The following ATXN7 variants were observed in gnomAD, a reference collection of about 807,000 sequenced individuals.
ATXN7 encodes ataxin 7.
A neutral mutation model predicts 70.5 loss-of-function variants in ATXN7; 12 were observed. The ratio of observed to expected loss-of-function variants is 0.17; its 90% CI spans 0.11 to 0.28. ATXN7 has a LOEUF of 0.28. ATXN7 is among the 10% of genes least tolerant of loss of function. ATXN7 has a pLI of 1.00. For synonymous variants in ATXN7, 498 were observed against 448.7 expected (o/e 1.11, Z -1.39); for missense variants, 1,256 against 1,131.7 (o/e 1.11, Z -1.58).
chr3:63,990,045 GT>G (rs1210947382), intron 9 of ATXN7, 130 bp from the exon 10 acceptor site: 40 of 782,572 alleles, frequency 5.1e-5, no homozygotes, highest in South Asian at 4.8e-4. Context: ...ATCAGCATCT[GT>G]TTTCCCCCAG....
chr3:63,974,332 T>G (rs1464447130), intron 5 of ATXN7, among the ~76,000 whole-genome samples: 1 of 152,252 alleles, frequency 6.6e-6, no homozygotes, highest in Non-Finnish European at 1.5e-5. Flanking sequence ...CTATGCAGAC[T>G]TGTACACTAA....
chr3:63,914,682 G>A (rs1206848994), intron 4 of ATXN7, among the ~76,000 whole-genome samples: 3 of 152,140 alleles, frequency 2.0e-5, no homozygotes, highest in East Asian at 1.9e-4. Context: ...CTAAATCTGT[G>A]TGAAAACAAG....
At position 63,952,457 on chromosome 3, in the gene ATXN7, A is replaced by T; in HGVS notation, c.473A>T (p.Lys158Ile). Residue 158 changes from lysine to isoleucine, a missense_variant, in exon 5 of 13, where the codon AAA becomes ATA. Lys to Ile is a moderately radical substitution (Grantham distance 102). Coordinates refer to ENST00000674280, the MANE Select transcript of ATXN7 (RefSeq NM_001377405.1). ...TGTAACGACTGTAATCAGGTTGTCA[A>T]ACCGCAGGCATTTCAATCACATTAT... The part of the protein sequence containing the change: ...VVCNDCNQVV[K>I]PQAFQSHYER... 6.2e-7 allele frequency: 1 copy of T among 1,611,790 alleles called. No homozygotes were observed. Among genetic ancestry groups the T allele is most frequent in the Non-Finnish European group, 8.5e-7 (1 of 1,179,174 alleles).
At chr3:63,930,897 G>A (rs1432647301) in intron 4 of ATXN7, among the ~76,000 whole-genome samples, 1 of 152,066 alleles carries the variant, frequency 6.6e-6, no homozygotes, top group African/African-American at 2.4e-5. Flanking sequence ...CCAAGTTTTA[G>A]GACACTAGAC....
intron 4 of ATXN7, among the ~76,000 whole-genome samples, chr3:63,932,601 TTG>T (rs1181097573): frequency 1.3e-5 from 2 of 152,206 alleles, no homozygotes; most frequent in Admixed American, 1.3e-4. Flanking sequence ...GTGGACAGTG[TTG>T]TATTTGCCTA....
intron 5 of ATXN7, among the ~76,000 whole-genome samples, 157 bp from the exon 6 acceptor site, chr3:63,979,758 C>T (rs1367642693): frequency 6.6e-6 from 1 of 152,148 alleles, no homozygotes; most frequent in Non-Finnish European, 1.5e-5. Flanking sequence ...TCTGTGGGGC[C>T]TAGATGAGCC....
intron 5 of ATXN7, among the ~76,000 whole-genome samples, chr3:63,973,598 C>T (rs1034922973): frequency 6.6e-6 from 1 of 152,140 alleles, no homozygotes; most frequent in Non-Finnish European, 1.5e-5. Context: ...CCCTCGGCCA[C>T]GCTGGGTGTG....
intron 4 of ATXN7, among the ~76,000 whole-genome samples, chr3:63,932,391 C>A (rs892260554): frequency 6.6e-6 from 1 of 151,936 alleles, no homozygotes. Flanking sequence ...TTCAGATAGA[C>A]AAAAAAATTT....
In ATXN7 at chr3:63,940,285, T is replaced by TCACACACA. The variant is rs34660611; in HGVS notation, c.395-12059_395-12052dup. Among the ~76,000 whole-genome samples, 189 of 141,516 alleles carry TCACACACA rather than the reference T, an allele frequency of 1.3e-3. 1 individual carries two copies. The highest frequency in any genetic ancestry group is 3.9e-3 in the African/African-American group (148 of 37,832). The allele number at this position is 141,516 out of a possible 152,430, so 92.8% of individuals were successfully genotyped here. ...GCTGGAGCATTGAGGCCATGCCCCA[T>TCACACACA]CACACACACACACACACACACACAC... On this transcript the variant is annotated intron_variant, in intron 4 of 12. Transcript: ENST00000674280.
intron 5 of ATXN7, among the ~76,000 whole-genome samples, chr3:63,964,073 AAC>A (rs10557844): frequency 0.32 from 47,712 of 146,844 alleles, 7,566 homozygotes; most frequent in Middle Eastern, 0.35. Context: ...TAGACACATA[AAC>A]ACACACACAC....
chr3:63,929,763 A>G (rs918818475), intron 4 of ATXN7, among the ~76,000 whole-genome samples: 2 of 152,122 alleles, frequency 1.3e-5, no homozygotes, highest in African/African-American at 4.8e-5. Context: ...ACTTTTCATC[A>G]GATATTTTCT....
chr3:63,938,220 T>C (rs913568419), intron 4 of ATXN7, among the ~76,000 whole-genome samples: 1 of 152,178 alleles, frequency 6.6e-6, no homozygotes, highest in African/African-American at 2.4e-5. Flanking sequence ...AACTGCAAAG[T>C]CTGAAGAAGT....
At chr3:63,992,439 T>G (rs1471479768) in intron 11 of ATXN7, among the ~76,000 whole-genome samples, 2 of 152,194 alleles carry the variant, frequency 1.3e-5, no homozygotes, top group Non-Finnish European at 2.9e-5. Flanking sequence ...CAACTTCATA[T>G]TTCTTCAGAC....
At chr3:63,880,064 C>T (rs1702863873) in intron 1 of ATXN7, among the ~76,000 whole-genome samples, 1 of 151,840 alleles carries the variant, frequency 6.6e-6, no homozygotes, top group Non-Finnish European at 1.5e-5. Flanking sequence ...CTATCCTGGG[C>T]AACAGAGCAA....
intron 4 of ATXN7, among the ~76,000 whole-genome samples, chr3:63,915,829 G>A (rs916966026): frequency 6.6e-6 from 1 of 151,802 alleles, no homozygotes; most frequent in Admixed American, 6.6e-5. Flanking sequence ...TTACAGGCAC[G>A]CACCACCACA....
At chr3:63,995,363 G>A (rs1298072763) in intron 11 of ATXN7, 142 bp from the exon 12 acceptor site, 4 of 855,288 alleles carry the variant, frequency 4.7e-6, no homozygotes, top group East Asian at 2.7e-5. Context: ...GGAGAGAGGT[G>A]ACAGGATTGG....
At chr3:63,892,520 C>A (rs1395510850) in intron 1 of ATXN7, among the ~76,000 whole-genome samples, 2 of 151,724 alleles carry the variant, frequency 1.3e-5, no homozygotes. Flanking sequence ...CACACCCCAA[C>A]TCCTGTCAAC....
intron 9 of ATXN7, among the ~76,000 whole-genome samples, chr3:63,989,640 T>C (rs2075636313): frequency 6.6e-6 from 1 of 152,040 alleles, no homozygotes; most frequent in South Asian, 2.1e-4. Context: ...TAAAATAATC[T>C]AGAGATTATT....
At position 63,912,816 on chromosome 3, in the gene ATXN7, C is replaced by T. The variant is rs1270466522; in HGVS notation, c.218C>T (p.Ala73Val). 1.3e-6 allele frequency: 2 copies of T among 1,575,016 alleles called. No individual in the cohort carries two copies. Among genetic ancestry groups the T allele is most frequent in the African/African-American group, 1.4e-5 (1 of 71,162 alleles). ...CCCGGCGCCGCCTCCACCTCGGCCG[C>T]CGCAATGGCGACGGTCGGGGAGCGC... ...GGPGAASTSA[A>V]AMATVGERRP... Residue 73 changes from alanine (A) to valine (V), a missense_variant, in exon 3 of 13, where the codon GCC becomes GTC. Ala to Val is a moderately conservative substitution (Grantham distance 64). Coordinates refer to ENST00000674280, the MANE Select transcript of ATXN7 (RefSeq NM_001377405.1).
Sources: gnomAD v4.1 joint callset for allele counts (sites outside exome capture counted in the v4.1 genomes callset) on GRCh38, gnomAD v4.1.1 for gene constraint, MANE v1.5 for transcripts, NCBI Gene and HGNC (gene_info 2026-07-23, HGNC 2026-07-21) for gene names.